Variants in TENM4 observed in about 807,000 individuals in gnomAD.
The protein encoded by TENM4 is teneurin transmembrane protein 4.
A neutral mutation model predicts 243.3 loss-of-function variants in TENM4; 82 were observed. That is an observed-to-expected ratio of 0.34 (90% CI 0.28 to 0.40). The LOEUF is 0.40. Among genes scored for constraint, TENM4 ranks in the 10% least tolerant of loss-of-function variants. TENM4 has a pLI of 1.00. For missense variants in TENM4, 3,138 were observed against 3,673.3 expected (o/e 0.85, Z 3.77); for synonymous variants, 1,412 against 1,456.3 (o/e 0.97, Z 0.69).
chr11:79,127,510 C>G (rs1268145068), intron 4 of TENM4, among the ~76,000 whole-genome samples: 1 of 151,972 alleles, frequency 6.6e-6, no homozygotes, highest in East Asian at 1.9e-4. Context: ...TTGGCAAATA[C>G]TTTTTTTTCC....
chr11:79,432,395 G>A (rs757871656), intron 1 of TENM4, among the ~76,000 whole-genome samples: 13 of 152,278 alleles, frequency 8.5e-5, no homozygotes, highest in Non-Finnish European at 1.6e-4. Context: ...TTAATAAAAC[G>A]TTTAAATGAT....
intron 4 of TENM4, among the ~76,000 whole-genome samples, chr11:79,105,962 A>G (rs751064916): frequency 1.3e-5 from 2 of 152,266 alleles, no homozygotes; most frequent in Non-Finnish European, 2.9e-5. Flanking sequence ...TTGCTTTTCC[A>G]TGAAATCTTA....
chr11:78,820,940 T>C (rs1482300198), intron 12 of TENM4, among the ~76,000 whole-genome samples: 2 of 152,258 alleles, frequency 1.3e-5, no homozygotes, highest in African/African-American at 2.4e-5. Context: ...GCTGGAAAGC[T>C]GTTCCATGGC....
chr11:79,330,967 C>A (rs954628210), intron 1 of TENM4, among the ~76,000 whole-genome samples: 36 of 152,138 alleles, frequency 2.4e-4, no homozygotes, highest in African/African-American at 8.7e-4. Flanking sequence ...GCAGATGAAA[C>A]AACATGAATA....
intron 1 of TENM4, among the ~76,000 whole-genome samples, chr11:79,355,555 A>AC (rs776336923): frequency 1.0e-4 from 15 of 150,650 alleles, no homozygotes; most frequent in South Asian, 2.1e-4. Context: ...CAAACAAAAC[A>AC]ATTGAACCCT....
At chr11:78,685,058 C>T (rs755135195) in intron 29 of TENM4, among the ~76,000 whole-genome samples, 13 of 152,154 alleles carry the variant, frequency 8.5e-5, no homozygotes, top group Non-Finnish European at 1.6e-4. Context: ...CTTTCTCTCT[C>T]ACACATGCAA....
chr11:78,992,424 C>G (rs150119066), intron 6 of TENM4, among the ~76,000 whole-genome samples: 70 of 152,270 alleles, frequency 4.6e-4, no homozygotes, highest in African/African-American at 1.6e-3. Context: ...CTCATTTGAC[C>G]AAGGACTCTT....
At chr11:78,787,678 T>C (rs1856968636) in intron 15 of TENM4, among the ~76,000 whole-genome samples, 1 of 152,162 alleles carries the variant, frequency 6.6e-6, no homozygotes, top group Non-Finnish European at 1.5e-5. Context: ...ACCTGCAGTT[T>C]GTTCTGAGCT....
chr11:79,179,265 T>G (rs144527292), intron 3 of TENM4, among the ~76,000 whole-genome samples: 1 of 152,314 alleles, frequency 6.6e-6, no homozygotes, highest in Non-Finnish European at 1.5e-5. Context: ...CAGCAAACTC[T>G]CTTAGGTCAG....
intron 3 of TENM4, among the ~76,000 whole-genome samples, chr11:79,192,765 A>G (rs1863544009): frequency 6.6e-6 from 1 of 151,224 alleles, no homozygotes; most frequent in South Asian, 2.1e-4. Context: ...ATAAAATTAA[A>G]AAAAAAAATA....
At chr11:79,417,413 T>G (rs983542284) in intron 1 of TENM4, among the ~76,000 whole-genome samples, 1 of 152,126 alleles carries the variant, frequency 6.6e-6, no homozygotes, top group Admixed American at 6.5e-5. Flanking sequence ...CAGATGCCGT[T>G]GTTTGGACTT....
At chr11:79,006,744 T>A (rs779228083) in intron 6 of TENM4, among the ~76,000 whole-genome samples, 1 of 152,224 alleles carries the variant, frequency 6.6e-6, no homozygotes, top group African/African-American at 2.4e-5. Context: ...AAACTCTGAA[T>A]GTGAAAAAGC....
chr11:78,658,562 G>A lies in TENM4; in HGVS notation c.7806C>T (p.His2602=). ...TGGTGAAGTGCAGGTTCTCTAGGTAGTGGGCATGGTTCAAGATGGCAGCAA... is the reference window on the plus strand; with the variant it reads ...TGGTGAAGTGCAGGTTCTCTAGGTAATGGGCATGGTTCAAGATGGCAGCAA... ...RRVAAILNHA[H]YLENLHFTID... is the part of the protein sequence containing the mutation. Residue 2602 remains histidine (H), a synonymous_variant, in exon 34 of 34, where the codon CAC becomes CAT. Coordinates refer to ENST00000278550, the MANE Select transcript of TENM4 (RefSeq NM_001098816.3). The A allele has an allele frequency of 1.2e-6, 2 of 1,614,028 alleles. No homozygotes were observed. Among genetic ancestry groups the A allele is most frequent in the Non-Finnish European group, 1.7e-6 (2 of 1,179,894 alleles).
chr11:78,891,435 G>A, intron 7 of TENM4, 99 bp from the exon 8 acceptor site: 2 of 1,079,784 alleles, frequency 1.9e-6, no homozygotes, highest in East Asian at 2.6e-5. Flanking sequence ...GCAGCTGTGT[G>A]CGTAAGACCA....
intron 29 of TENM4, among the ~76,000 whole-genome samples, chr11:78,687,330 T>C (rs1189362926): frequency 6.6e-6 from 1 of 152,166 alleles, no homozygotes; most frequent in Non-Finnish European, 1.5e-5. Context: ...TTCTGACTCT[T>C]ACCCTGAGGC....
chr11:79,265,472 T>A (rs1265794845), intron 2 of TENM4, among the ~76,000 whole-genome samples: 1 of 152,250 alleles, frequency 6.6e-6, no homozygotes, highest in Non-Finnish European at 1.5e-5. Context: ...CTTAAATTTT[T>A]AAACAAATTA....
intron 21 of TENM4, among the ~76,000 whole-genome samples, chr11:78,731,583 C>T (rs1409842338): frequency 6.6e-6 from 1 of 152,226 alleles, no homozygotes; most frequent in East Asian, 1.9e-4. Flanking sequence ...GACATCTCTC[C>T]ACTTCCTCAG....
intron 11 of TENM4, among the ~76,000 whole-genome samples, chr11:78,855,275 G>A (rs17137265): frequency 0.033 from 4,976 of 152,298 alleles, 90 homozygotes; most frequent in Middle Eastern, 0.078. Flanking sequence ...GCCTAGGAAT[G>A]CCTGATGAAT....
At chr11:78,938,377 A>C (rs956434028) in intron 6 of TENM4, among the ~76,000 whole-genome samples, 6 of 152,170 alleles carry the variant, frequency 3.9e-5, no homozygotes, top group African/African-American at 1.4e-4. Context: ...AGCCTTTTCC[A>C]AATGATAATC....
Sources: gnomAD v4.1 joint callset for allele counts (sites outside exome capture counted in the v4.1 genomes callset) on GRCh38, gnomAD v4.1.1 for gene constraint, MANE v1.5 for transcripts, NCBI Gene and HGNC (gene_info 2026-07-23, HGNC 2026-07-21) for gene names.